The following ADRA1D variants were observed in gnomAD, a reference collection of about 807,000 sequenced individuals.
The protein encoded by ADRA1D is adrenoceptor alpha 1D.
ADRA1D carries 22 observed loss-of-function variants against 18.6 expected under a neutral mutation model. That is an observed-to-expected ratio of 1.19 (90% CI 0.85 to 1.69). The LOEUF is 1.69. Ranked by LOEUF, ADRA1D falls within the 40% of genes most tolerant of loss-of-function variation. The pLI is 0.00. For synonymous variants in ADRA1D, 376 were observed against 388.2 expected (o/e 0.97, Z 0.37); for missense variants, 840 against 840.7 (o/e 1.00, Z 0.01).
At chr20:4,231,646 T>C (rs1568765050) in intron 1 of ADRA1D, among the ~76,000 whole-genome samples, 1 of 152,202 alleles carries the variant, frequency 6.6e-6, no homozygotes, top group Non-Finnish European at 1.5e-5. Flanking sequence ...GGGCCTTTTA[T>C]GTAGTTCTCG....
chr20:4,246,233 A>G (rs767638907), intron 1 of ADRA1D, among the ~76,000 whole-genome samples: 39 of 152,158 alleles, frequency 2.6e-4, no homozygotes, highest in Middle Eastern at 3.2e-3. Context: ...GCCCTCACAC[A>G]GCTTCTGGGC....
chr20:4,231,482 T>G (rs984874738), intron 1 of ADRA1D, among the ~76,000 whole-genome samples: 4 of 152,106 alleles, frequency 2.6e-5, no homozygotes, highest in African/African-American at 9.7e-5. Context: ...TATCCCAGCC[T>G]CTAGCACAAG....
chr20:4,249,081 G>GC lies in ADRA1D; in HGVS notation c.-125dup. ...CGCGCACGGGTCCCGTCGGGGTCCTGCCCAAGTTCCTGTGACGCGGAGCGC... is the reference window on the plus strand; with the variant it reads ...CGCGCACGGGTCCCGTCGGGGTCCTGCCCCAAGTTCCTGTGACGCGGAGCGC... On this transcript the variant is annotated 5_prime_UTR_variant, in exon 1 of 2. Coordinates refer to ENST00000379453, the MANE Select transcript of ADRA1D (RefSeq NM_000678.4). The GC allele has an allele frequency of 1.3e-6, 1 of 787,984 alleles. No homozygotes were observed. Among genetic ancestry groups the GC allele is most frequent in the Non-Finnish European group, 1.6e-6 (1 of 630,978 alleles). The allele number at this position is 787,984 out of a possible 1,614,324, so 48.8% of individuals were successfully genotyped here.
intron 1 of ADRA1D, among the ~76,000 whole-genome samples, chr20:4,227,245 G>A (rs1398695521): frequency 2.6e-5 from 4 of 152,150 alleles, no homozygotes; most frequent in Non-Finnish European, 5.9e-5. Flanking sequence ...TTGCCTCTGG[G>A]CTCTTGCACA....
In ADRA1D at chr20:4,221,675, C is replaced by G. The variant is rs777068151; in HGVS notation, c.1567G>C (p.Ala523Pro). The change falls in exon 2 of 2, where the codon GCC becomes CCC. Residue 523 changes from alanine (A) to proline (P), a missense_variant. Transcript: ENST00000379453. The part of the protein sequence containing the change: ...KVSSLSHKIR[A>P]GGAQRAEAAC... ...GCCTCTGCGCGCTGCGCGCCCCCGG[C>G]GCGGATCTTGTGCGACAGGCTGGAG... 6.2e-7 allele frequency: 1 copy of G among 1,612,532 alleles called. No homozygotes were observed. Among genetic ancestry groups the G allele is most frequent in the South Asian group, 1.1e-5 (1 of 91,022 alleles).
intron 1 of ADRA1D, among the ~76,000 whole-genome samples, chr20:4,229,552 G>A (rs1044021532): frequency 9.2e-5 from 14 of 152,198 alleles, no homozygotes; most frequent in Admixed American, 2.0e-4. Context: ...TGAATGAGGT[G>A]TGTGGAGATC....
intron 1 of ADRA1D, among the ~76,000 whole-genome samples, chr20:4,226,197 T>A (rs1421317247): frequency 6.6e-6 from 1 of 152,196 alleles, no homozygotes; most frequent in Non-Finnish European, 1.5e-5. Context: ...AACATTAATA[T>A]GGTAATTTAT....
chr20:4,247,180 A>G (rs1310351869), intron 1 of ADRA1D, among the ~76,000 whole-genome samples: 2 of 152,052 alleles, frequency 1.3e-5, no homozygotes, highest in East Asian at 3.9e-4. Context: ...GAAGAGCTCA[A>G]GGACTCAGTA....
intron 1 of ADRA1D, among the ~76,000 whole-genome samples, chr20:4,240,844 T>C (rs937325281): frequency 6.6e-6 from 1 of 151,914 alleles, no homozygotes; most frequent in African/African-American, 2.4e-5. Context: ...GGACAGTGGG[T>C]GAGGATGGAA....
intron 1 of ADRA1D, among the ~76,000 whole-genome samples, chr20:4,225,188 G>A (rs1980767347): frequency 6.6e-6 from 1 of 151,382 alleles, no homozygotes; most frequent in South Asian, 2.1e-4. Context: ...TTTTAGTAGA[G>A]ACGGGGTTTC....
chr20:4,223,649 C>G (rs779477965), intron 1 of ADRA1D, among the ~76,000 whole-genome samples: 2 of 152,132 alleles, frequency 1.3e-5, no homozygotes, highest in Non-Finnish European at 2.9e-5. Context: ...AAAAGTGATA[C>G]GCGTTCAGTA....
At position 4,239,311 on chromosome 20, in the gene ADRA1D, T is replaced by C. The variant is rs540535871; in HGVS notation, c.1111+8536A>G. 2.0e-5 allele frequency among the ~76,000 whole-genome samples: 3 copies of C among 152,214 alleles called. No homozygotes were observed. Among genetic ancestry groups the C allele is most frequent in the Admixed American group, 6.5e-5 (1 of 15,294 alleles). The stretch of plus-strand genomic sequence containing the variant: ...TCCTCAGATGTTTGGGACAAACATA[T>C]CAGCAGGAGCTGGGCAGAGGACAAG... On this transcript the variant is annotated intron_variant, in intron 1 of 1. Transcript: ENST00000379453. The surrounding 1 kb of genome is among the most constrained non-coding windows in gnomAD (Gnocchi z 4.9).
chr20:4,238,299 T>TA (rs1046329572), intron 1 of ADRA1D, among the ~76,000 whole-genome samples: 3 of 151,336 alleles, frequency 2.0e-5, no homozygotes, highest in Non-Finnish European at 2.9e-5. Context: ...TACTAATCTT[T>TA]AAAAAAAAGA....
chr20:4,227,700 C>T (rs144473011), intron 1 of ADRA1D, among the ~76,000 whole-genome samples: 82 of 31,520 alleles, frequency 2.6e-3, no homozygotes, highest in African/African-American at 8.2e-3. Context: ...CCCTCCCTCC[C>T]TCCCTCCTTC....
chr20:4,248,623 G>A lies in ADRA1D; in HGVS notation c.335C>T (p.Ala112Val). 1 of 1,612,904 alleles carries A rather than the reference G, an allele frequency of 6.2e-7. No individual in the cohort carries two copies. Among genetic ancestry groups the A allele is most frequent in the South Asian group, 1.1e-5 (1 of 90,988 alleles). Residue 112 changes from alanine to valine, a missense_variant, in exon 1 of 2, where the codon GCA becomes GTA. Physicochemically the swap from Ala to Val is moderately conservative, Grantham distance 64. Coordinates refer to ENST00000379453, the MANE Select transcript of ADRA1D (RefSeq NM_000678.4). ...TGAGAGGATGACAAGCAGGTTACCT[G>A]CCACGGCCATAAGGATGAAGGCTGC... is the stretch of plus-strand genomic sequence containing the variant. Reference protein sequence around the residue: ...FLAAFILMAVAGNLLVILSVA... With the variant: ...FLAAFILMAVVGNLLVILSVA...
intron 1 of ADRA1D, among the ~76,000 whole-genome samples, chr20:4,231,064 T>TTCTTTCTTTCTTTCTTTCTTTC (rs1491147056): frequency 3.1e-5 from 3 of 97,920 alleles, no homozygotes; most frequent in East Asian, 3.2e-4. Flanking sequence ...CTTTCTTTCT[T>TTCTTTCTTTCTTTCTTTCTTTC]TCTCTCTCTC....
rs1226226169 is a variant in ADRA1D at position 4,248,675 on chromosome 20, G to A, written c.283C>T (p.Gln95Ter). Residue 95 changes from glutamine to a stop codon, truncating the protein, a stop_gained, in exon 1 of 2, where the codon CAG (glutamine) becomes TAG (stop). Coordinates refer to ENST00000379453, the MANE Select transcript of ADRA1D (RefSeq NM_000678.4). LOFTEE classifies it high-confidence loss of function. ...AGGAAGACGCCCACGCCCACGCCCT[G>A]CGCGCTCACCACCAGTCCCCCGACG... is the stretch of plus-strand genomic sequence containing the variant. ...AAVGGLVVSA[Q>*]GVGVGVFLAA... is the part of the protein sequence containing the mutation. 1 of 1,597,380 alleles carries A rather than the reference G, an allele frequency of 6.3e-7. No individual in the cohort carries two copies. Among genetic ancestry groups the A allele is most frequent in the African/African-American group, 1.3e-5 (1 of 74,616 alleles).
In ADRA1D at chr20:4,221,713, AG is replaced by A; in HGVS notation, c.1528del (p.Leu510CysfsTer35). ...CGACAGGCTGGAGACTTTGGCGCGC[AG>A]CTGGGTCGTGGGTCTCCGGAACGGC... ...LGPFRRPTTQ[L>X]RAKVSSLSHK... On this transcript the variant is annotated frameshift_variant, in exon 2 of 2. Transcript: ENST00000379453. LOFTEE classifies it low-confidence loss of function (END_TRUNC). The A allele has an allele frequency of 6.2e-7, 1 of 1,609,646 alleles. No individual in the cohort carries two copies.
Position 4,248,562 on chromosome 20 carries a change from G to C in ADRA1D, c.396C>G (p.Asn132Lys). ...ACNRHLQTVT[N>K]YFIVNLAVAD... The stretch of plus-strand genomic sequence containing the variant: ...CCACGGCCAGGTTCACGATGAAATA[G>C]TTGGTGACGGTCTGCAGGTGGCGGT... Residue 132 changes from asparagine (N) to lysine (K), a missense_variant, in exon 1 of 2, where the codon AAC becomes AAG. Asn to Lys is a moderately conservative substitution (Grantham distance 94). Transcript: ENST00000379453. 1 of 1,613,906 alleles carries C rather than the reference G, an allele frequency of 6.2e-7. No homozygotes were observed. Among genetic ancestry groups the C allele is most frequent in the African/African-American group, 1.3e-5 (1 of 75,064 alleles).
Sources: gnomAD v4.1 joint callset for allele counts (sites outside exome capture counted in the v4.1 genomes callset) on GRCh38, gnomAD v4.1.1 for gene constraint, Gnocchi (gnomAD v3.1) non-coding constraint, MANE v1.5 for transcripts, NCBI Gene and HGNC (gene_info 2026-07-23, HGNC 2026-07-21) for gene names.